Variants in SH3BP5L observed in about 807,000 individuals in gnomAD.
SH3BP5L encodes SH3 domain-binding protein 5-like.
A neutral mutation model predicts 40.9 loss-of-function variants in SH3BP5L; 16 were observed. The observed-to-expected ratio is 0.39, with a 90% CI of 0.27 to 0.59. SH3BP5L has a LOEUF of 0.59. Ranked by LOEUF, SH3BP5L falls within the 20% of genes least tolerant of loss-of-function variation. The pLI is 0.53. For missense variants in SH3BP5L, 471 were observed against 544.6 expected, an observed-to-expected ratio of 0.86 and a Z score of 1.35; for synonymous variants, 229 against 226.7, an observed-to-expected ratio of 1.01 and a Z score of -0.09.
intron 3 of SH3BP5L, 32 bp downstream of exon 3, chr1:248,816,790 C>T: frequency 1.2e-6 from 2 of 1,613,542 alleles, no homozygotes; most frequent in East Asian, 2.2e-5. Context: ...TTCCAAGGAC[C>T]AGCCCAAGCA....
At position 248,825,881 on chromosome 1, in the gene SH3BP5L, T is replaced by TGGCC; in HGVS notation, c.-479_-478insGGCC. Reference sequence around the variant, plus strand: ...CGGAGCTTCTATGCTGCAAACAATCTCCCCCCCTCCCTCCCCGCAACAAGC... The same window carrying TGGCC: ...CGGAGCTTCTATGCTGCAAACAATCTGGCCCCCCCCCTCCCTCCCCGCAACAAGC... On this transcript the variant is annotated 5_prime_UTR_variant, in exon 1 of 7. Transcript: ENST00000366472. 1 of 941,900 alleles carries TGGCC rather than the reference T, an allele frequency of 1.1e-6. No homozygotes were observed. The highest frequency in any genetic ancestry group is 1.3e-6 in the Non-Finnish European group (1 of 794,248). 58.3% of individuals were successfully genotyped at this position (941,900 alleles called of 1,614,324 possible).
intron 2 of SH3BP5L, among the ~76,000 whole-genome samples, chr1:248,817,569 A>T (rs1477265573): frequency 6.6e-6 from 1 of 152,216 alleles, no homozygotes; most frequent in Non-Finnish European, 1.5e-5. Context: ...GTGCCAGTGA[A>T]TGACTAGGCA....
At chr1:248,817,559 G>C (rs1044094649) in intron 2 of SH3BP5L, among the ~76,000 whole-genome samples, 4 of 152,196 alleles carry the variant, frequency 2.6e-5, no homozygotes, top group Admixed American at 6.5e-5. Context: ...AGACACAAAA[G>C]TGCCAGTGAA....
intron 2 of SH3BP5L, among the ~76,000 whole-genome samples, chr1:248,822,365 C>A (rs1248281432): frequency 2.6e-5 from 4 of 152,216 alleles, no homozygotes; most frequent in Non-Finnish European, 4.4e-5. Context: ...GACACTGACT[C>A]CCTGCTGAGG....
intron 4 of SH3BP5L, chr1:248,814,831 G>A (rs1358288382): frequency 3.0e-6 from 2 of 670,576 alleles, no homozygotes; most frequent in Non-Finnish European, 2.7e-6. Flanking sequence ...CCAGTGGAGG[G>A]TAGATGTGTG....
At position 248,824,977 on chromosome 1, in the gene SH3BP5L, T is replaced by G. The variant is rs371963319; in HGVS notation, c.-42A>C. On this transcript the variant is annotated 5_prime_UTR_variant, in exon 2 of 7. Coordinates refer to ENST00000366472, the MANE Select transcript of SH3BP5L (RefSeq NM_030645.3). ...CAGAGCCCTATGCACAAGAGAGGAC[T>G]GACATGCTGGGACCAGGGCCCCAGC... The G allele has an allele frequency of 1.9e-6, 3 of 1,561,974 alleles. No homozygotes were observed. Among genetic ancestry groups the G allele is most frequent in the Non-Finnish European group, 2.6e-6 (3 of 1,157,072 alleles).
chr1:248,817,114 G>T, intron 2 of SH3BP5L: 4 of 1,395,198 alleles, frequency 2.9e-6, no homozygotes, highest in Non-Finnish European at 9.7e-7. Context: ...GTATTGGGTA[G>T]TAAAACCCCA....
chr1:248,816,191 G>A (rs74157318), intron 4 of SH3BP5L: 3,899 of 218,310 alleles, frequency 0.018, 156 homozygotes, highest in African/African-American at 0.082. Flanking sequence ...ATGAACCAAA[G>A]GGAAGAGGAA....
Position 248,811,578 on chromosome 1 carries a change from GGAAA to G in SH3BP5L, c.*318_*321del. 1 of 349,594 alleles carries G rather than the reference GGAAA, an allele frequency of 2.9e-6. No homozygotes were observed. The allele number at this position is 349,594 out of a possible 1,614,324, so 21.7% of individuals were successfully genotyped here. On this transcript the variant is annotated 3_prime_UTR_variant, in exon 7 of 7. Transcript: ENST00000366472. ...CCCTGAGGGAAAAAGCCAAACAGAT[GGAAA>G]GAGAGGGAGCAGAAAGGGAAAGCAA...
At chr1:248,814,338 A>G (rs1380841414) in intron 5 of SH3BP5L, 111 bp downstream of exon 5, 14 of 1,246,134 alleles carry the variant, frequency 1.1e-5, no homozygotes, top group Non-Finnish European at 1.1e-6. Flanking sequence ...ACAGAATCAA[A>G]GTTGAAAGAA....
chr1:248,817,199 C>A, intron 2 of SH3BP5L: 2 of 539,432 alleles, frequency 3.7e-6, no homozygotes, highest in East Asian at 1.0e-4. Flanking sequence ...GGTGAGCCCT[C>A]ACTCTCTCCG....
chr1:248,815,571 C>T (rs149424534), intron 4 of SH3BP5L, among the ~76,000 whole-genome samples: 72 of 152,282 alleles, frequency 4.7e-4, no homozygotes, highest in South Asian at 1.2e-3. Context: ...ACAGTAAACT[C>T]CCCTGTAAGT....
intron 4 of SH3BP5L, 102 bp from the exon 5 acceptor site, chr1:248,814,712 A>G (rs1319746306): frequency 8.5e-7 from 1 of 1,182,334 alleles, no homozygotes; most frequent in Non-Finnish European, 1.3e-6. Context: ...AAGGCCTACT[A>G]GCAATGTCGG....
Position 248,811,915 on chromosome 1 carries a change from G to C in SH3BP5L, c.1167C>G (p.Arg389=). The change falls in exon 7 of 7, where the codon CGC becomes CGG. Residue 389 remains arginine (R), a synonymous_variant. Coordinates refer to ENST00000366472, the MANE Select transcript of SH3BP5L (RefSeq NM_030645.3). ...DGGARGGRHQ[R]SVSL ...GGCCCCTCGGCTACAGGCTGACGCTGCGCTGGTGCCGACCCCCACGGGCTC... is the reference window on the plus strand; with the variant it reads ...GGCCCCTCGGCTACAGGCTGACGCTCCGCTGGTGCCGACCCCCACGGGCTC... 1 of 1,537,436 alleles carries C rather than the reference G, an allele frequency of 6.5e-7. No individual in the cohort carries two copies. The highest frequency in any genetic ancestry group is 1.2e-5 in the South Asian group (1 of 83,200).
Position 248,812,841 on chromosome 1 carries a change from G to C in SH3BP5L, c.711+148C>G, listed in dbSNP as rs2103011864. 6.0e-6 allele frequency: 4 copies of C among 668,416 alleles called. No individual in the cohort carries two copies. The East Asian group carries it at 1.2e-4, about 20-fold the overall frequency. 41.4% of individuals were successfully genotyped at this position (668,416 alleles called of 1,614,324 possible). A position where few individuals can be genotyped will look rare whatever the true frequency, so the allele number is the denominator to read the frequency against. Reference sequence around the variant, plus strand: ...CCTCTCACTCCTGCAAGGTCATTTGGAACATGTGTGCCACCACCCTTCCCC... The same window carrying C: ...CCTCTCACTCCTGCAAGGTCATTTGCAACATGTGTGCCACCACCCTTCCCC... On this transcript the variant is annotated intron_variant, in intron 6 of 6. Coordinates refer to ENST00000366472, the MANE Select transcript of SH3BP5L (RefSeq NM_030645.3). The surrounding 1 kb of genome is among the most constrained non-coding windows in gnomAD (Gnocchi z 6.1).
intron 4 of SH3BP5L, chr1:248,816,325 C>G (rs1379630054): frequency 1.8e-6 from 1 of 564,292 alleles, no homozygotes; most frequent in Non-Finnish European, 3.2e-6. Flanking sequence ...TCTCCCACAG[C>G]CACCCTCACC....
Position 248,812,481 on chromosome 1 carries a change from C to A in SH3BP5L, c.712-111G>T. ...TCTCCCAGAATACCTGGACAGCTGG[C>A]TCAGCATCCACCACAGACCCACAAC... is the stretch of plus-strand genomic sequence containing the variant. On this transcript the variant is annotated intron_variant, in intron 6 of 6. Transcript: ENST00000366472. This position sits in a 1 kb window ranked among gnomAD's most constrained non-coding sequence, Gnocchi z 6.1. The A allele has an allele frequency of 1.2e-6, 1 of 821,626 alleles. No individual in the cohort carries two copies. The highest frequency in any genetic ancestry group is 1.9e-6 in the Non-Finnish European group (1 of 513,600). 50.9% of individuals were successfully genotyped at this position (821,626 alleles called of 1,614,324 possible).
chr1:248,814,694 G>C (rs780328203), intron 4 of SH3BP5L, 84 bp from the exon 5 acceptor site: 2 of 1,388,618 alleles, frequency 1.4e-6, no homozygotes, highest in Non-Finnish European at 2.0e-6. Flanking sequence ...GAGGATAAGA[G>C]AAGGAGGAAG....
rs75370930 is a variant in SH3BP5L at position 248,812,780 on chromosome 1, G to A, written c.711+209C>T. Among the ~76,000 whole-genome samples, 13,634 of 151,570 alleles carry A rather than the reference G, an allele frequency of 0.09. 854 individuals are homozygous for A. The highest frequency in any genetic ancestry group is 0.19 in the South Asian group (930 of 4,792). On this transcript the variant is annotated intron_variant, in intron 6 of 6. Transcript: ENST00000366472. The surrounding 1 kb of genome is among the most constrained non-coding windows in gnomAD (Gnocchi z 6.1). ...CCTCCCTTCTTCCAACTACGTTCTCGCCGTCACCAGCCCCCATCACCAGCC... is the reference window on the plus strand; with the variant it reads ...CCTCCCTTCTTCCAACTACGTTCTCACCGTCACCAGCCCCCATCACCAGCC...
Sources: allele counts gnomAD v4.1 joint callset (sites outside exome capture counted in the v4.1 genomes callset), GRCh38; gene constraint gnomAD v4.1.1; non-coding constraint Gnocchi (gnomAD v3.1); transcripts MANE v1.5; gene names NCBI Gene and HGNC (gene_info 2026-07-23, HGNC 2026-07-21).